PTPRK: variants seen among roughly 807,000 people sequenced by gnomAD.
The protein encoded by PTPRK is protein tyrosine phosphatase receptor type K, also known as receptor-type tyrosine-protein phosphatase kappa.
Under a neutral mutation model 178.0 loss-of-function variants are expected in PTPRK, and 75 were observed. The observed-to-expected ratio is 0.42, with a 90% CI of 0.35 to 0.51. PTPRK has a LOEUF of 0.51. Among genes scored for constraint, PTPRK ranks in the 20% least tolerant of loss-of-function variants. PTPRK has a pLI of 0.02. For synonymous variants in PTPRK, 637 were observed against 620.6 expected, an observed-to-expected ratio of 1.03 and a Z score of -0.39; for missense variants, 1,441 against 1,797.8, an observed-to-expected ratio of 0.80 and a Z score of 3.59.
chr6:128,343,474 T>C (rs1433457560), intron 2 of PTPRK, among the ~76,000 whole-genome samples: 3 of 140,626 alleles, frequency 2.1e-5, no homozygotes, highest in East Asian at 4.1e-4. Flanking sequence ...CACTCCAGCC[T>C]GGGCAACAAG....
At chr6:128,485,931 T>C (rs1852796059) in intron 1 of PTPRK, among the ~76,000 whole-genome samples, 2 of 152,228 alleles carry the variant, frequency 1.3e-5, no homozygotes, top group South Asian at 2.1e-4. Flanking sequence ...TTTTCATTTT[T>C]ATAACAAAGT....
chr6:128,325,302 A>G lies in PTPRK; in HGVS notation c.224-2992T>C, dbSNP rs368389364. 3.0e-4 allele frequency among the ~76,000 whole-genome samples: 46 copies of G among 152,326 alleles called. 1 individual carries two copies. In the South Asian group the frequency reaches 9.5e-3, roughly 32 times the overall value. On this transcript the variant is annotated intron_variant, in intron 2 of 29. Transcript: ENST00000368226. The stretch of plus-strand genomic sequence containing the variant: ...GAATAAAACATCAAAAGCAATTGCA[A>G]CAAAACCCAAAATTGACAAATGGGA...
intron 21 of PTPRK, among the ~76,000 whole-genome samples, chr6:127,988,923 T>C (rs1776273114): frequency 1.3e-5 from 2 of 152,038 alleles, no homozygotes; most frequent in Non-Finnish European, 2.9e-5. Flanking sequence ...AAATCACTTA[T>C]GAGTATAAAT....
intron 1 of PTPRK, among the ~76,000 whole-genome samples, chr6:128,508,298 T>G (rs977994447): frequency 6.6e-6 from 1 of 152,222 alleles, no homozygotes; most frequent in South Asian, 2.1e-4. Context: ...TGGCACAGCA[T>G]GGGCACATAG....
At chr6:128,380,472 G>A (rs1021577515) in intron 2 of PTPRK, among the ~76,000 whole-genome samples, 2 of 151,536 alleles carry the variant, frequency 1.3e-5, no homozygotes, top group East Asian at 1.9e-4. Flanking sequence ...ACTATTCTGC[G>A]TGATTATTCT....
At chr6:128,165,546 C>T (rs191150350) in intron 7 of PTPRK, among the ~76,000 whole-genome samples, 33 of 150,832 alleles carry the variant, frequency 2.2e-4, no homozygotes, top group South Asian at 2.1e-4. Context: ...ACCATGGCTT[C>T]GCATTATTCC....
At chr6:128,355,164 T>C (rs1833784030) in intron 2 of PTPRK, among the ~76,000 whole-genome samples, 2 of 152,202 alleles carry the variant, frequency 1.3e-5, no homozygotes, top group Non-Finnish European at 1.5e-5. Context: ...TTGTTTACAA[T>C]CCAAATATTC....
At chr6:127,986,688 A>T (rs145354929) in intron 21 of PTPRK, among the ~76,000 whole-genome samples, 1,993 of 152,264 alleles carry the variant, frequency 0.013, 51 homozygotes, top group African/African-American at 0.045. Context: ...AGGAAAAAAA[A>T]TCCCACTATA....
intron 1 of PTPRK, among the ~76,000 whole-genome samples, chr6:128,492,213 G>A (rs1276144286): frequency 1.3e-5 from 2 of 152,084 alleles, no homozygotes; most frequent in African/African-American, 4.8e-5. Flanking sequence ...TCTCTATCAA[G>A]AAAACCCTCC....
Position 128,501,769 on chromosome 6 carries a change from T to C in PTPRK, c.100+18490A>G, listed in dbSNP as rs1855595305. Among the ~76,000 whole-genome samples, 5 of 152,206 alleles carry C rather than the reference T, an allele frequency of 3.3e-5. No individual in the cohort carries two copies. The South Asian group carries it at 1.0e-3, about 31-fold the overall frequency. On this transcript the variant is annotated intron_variant, in intron 1 of 29. Transcript: ENST00000368226. ...AAAAGTAACTTTAGCTAACAAATAG[T>C]AATAACTGCTTAAAAGTAACTGATA... is the stretch of plus-strand genomic sequence containing the variant.
chr6:128,111,682 CT>C (rs1790696313), intron 7 of PTPRK, among the ~76,000 whole-genome samples: 1 of 151,138 alleles, frequency 6.6e-6, no homozygotes, highest in Non-Finnish European at 1.5e-5. Flanking sequence ...CCCCATCTGG[CT>C]AACTCTTCTT....
intron 6 of PTPRK, among the ~76,000 whole-genome samples, chr6:128,217,975 TA>T (rs2128271068): frequency 6.6e-6 from 1 of 152,346 alleles, no homozygotes; most frequent in South Asian, 2.1e-4. Flanking sequence ...GGAGCTGCTT[TA>T]CCTCTAGATT....
intron 1 of PTPRK, among the ~76,000 whole-genome samples, chr6:128,448,835 C>T (rs751253901): frequency 8.6e-5 from 13 of 152,040 alleles, no homozygotes; most frequent in Non-Finnish European, 1.8e-4. Context: ...AATGCCATGC[C>T]AGTTTTGTTT....
intron 6 of PTPRK, among the ~76,000 whole-genome samples, chr6:128,211,793 A>G (rs537469919): frequency 4.0e-4 from 61 of 152,152 alleles, no homozygotes; most frequent in African/African-American, 1.4e-3. Flanking sequence ...GCTATTAATG[A>G]CTCTCTTGAA....
At chr6:127,977,189 G>A (rs991698870) in intron 25 of PTPRK, 135 bp from the exon 26 acceptor site, 28 of 829,720 alleles carry the variant, frequency 3.4e-5, no homozygotes, top group Non-Finnish European at 5.2e-5. Context: ...CCAGAGTGAT[G>A]ATTAAACCAT....
In PTPRK at chr6:128,067,750, G is replaced by A; in HGVS notation, c.1926C>T (p.Thr642=). Residue 642 remains threonine, a synonymous_variant, in exon 12 of 30, where the codon ACC becomes ACT. Transcript: ENST00000368226. The part of the protein sequence containing the change: ...IVVEELHPHR[T]KREAGAMECY... ...ATTCCATGGCTCCGGCTTCTCTCTT[G>A]GTTCGGTGTGGGTGCAGTTCTTCCA... 6.2e-7 allele frequency: 1 copy of A among 1,612,180 alleles called. No individual in the cohort carries two copies. Among genetic ancestry groups the A allele is most frequent in the South Asian group, 1.1e-5 (1 of 90,822 alleles).
At chr6:128,115,121 G>A (rs1342981253) in intron 7 of PTPRK, among the ~76,000 whole-genome samples, 1 of 151,990 alleles carries the variant, frequency 6.6e-6, no homozygotes, top group Non-Finnish European at 1.5e-5. Flanking sequence ...TTGGCATTCT[G>A]GCCAACTTCC....
intron 1 of PTPRK, among the ~76,000 whole-genome samples, chr6:128,421,611 G>A (rs1433758655): frequency 6.6e-6 from 1 of 152,052 alleles, no homozygotes; most frequent in Non-Finnish European, 1.5e-5. Flanking sequence ...ATTCATTTCA[G>A]GAAGGAAGGA....
At chr6:128,453,821 T>C (rs1390680765) in intron 1 of PTPRK, among the ~76,000 whole-genome samples, 1 of 152,142 alleles carries the variant, frequency 6.6e-6, no homozygotes, top group South Asian at 2.1e-4. Context: ...AAAACTATGA[T>C]GCATGCAGGG....
Sources: allele counts gnomAD v4.1 joint callset (sites outside exome capture counted in the v4.1 genomes callset), GRCh38; gene constraint gnomAD v4.1.1; transcripts MANE v1.5; gene names NCBI Gene and HGNC (gene_info 2026-07-23, HGNC 2026-07-21).